Variants in LINGO2 observed in about 807,000 individuals in gnomAD.
LINGO2 encodes leucine-rich repeat and immunoglobulin-like domain-containing nogo receptor-interacting protein 2.
Under a neutral mutation model 30.6 loss-of-function variants are expected in LINGO2, and 14 were observed. The ratio of observed to expected loss-of-function variants is 0.46; its 90% CI spans 0.30 to 0.72. The LOEUF (loss-of-function observed/expected upper bound fraction) is 0.72, where lower values mean the gene tolerates loss of function less well. LINGO2 is among the 30% of genes least tolerant of loss of function. LINGO2 has a pLI of 0.07. For missense variants in LINGO2, 729 were observed against 751.7 expected, an observed-to-expected ratio of 0.97 and a Z score of 0.35; for synonymous variants, 317 against 288.5, an observed-to-expected ratio of 1.10 and a Z score of -1.00.
the LINGO2 span, among the ~76,000 whole-genome samples, chr9:28,999,684 T>C: frequency 6.6e-6 from 1 of 152,106 alleles, no homozygotes; most frequent in African/African-American, 2.4e-5. Context: ...ATACAATAAA[T>C]TAAAAGTAAA....
chr9:28,814,754 G>A, the LINGO2 span, among the ~76,000 whole-genome samples: 1 of 152,156 alleles, frequency 6.6e-6, no homozygotes, highest in South Asian at 2.1e-4. Context: ...CGGGCATGGT[G>A]GCAGGCACCT....
chr9:28,902,939 A>C, the LINGO2 span, among the ~76,000 whole-genome samples: 4 of 151,936 alleles, frequency 2.6e-5, no homozygotes, highest in Admixed American at 2.6e-4. Flanking sequence ...TATATCAAAT[A>C]AATAATTTAA....
At chr9:29,173,244 T>C in the LINGO2 span, among the ~76,000 whole-genome samples, 1 of 152,072 alleles carries the variant, frequency 6.6e-6, no homozygotes, top group Non-Finnish European at 1.5e-5. Flanking sequence ...AGTTGACATT[T>C]CTGGAAATAA....
the LINGO2 span, among the ~76,000 whole-genome samples, chr9:28,682,791 G>T: frequency 2.0e-5 from 3 of 151,926 alleles, no homozygotes; most frequent in Non-Finnish European, 1.5e-5. Context: ...TTTAATAAAA[G>T]GAATTTATGC....
chr9:29,018,091 T>TATA, the LINGO2 span, among the ~76,000 whole-genome samples: 706 of 23,214 alleles, frequency 0.03, 4 homozygotes, highest in African/African-American at 0.053. Flanking sequence ...AATATACATT[T>TATA]TATATATATA....
At chr9:28,986,660 A>G in the LINGO2 span, among the ~76,000 whole-genome samples, 1 of 152,132 alleles carries the variant, frequency 6.6e-6, no homozygotes, top group African/African-American at 2.4e-5. Context: ...CTATAAACCC[A>G]TTGTTAATTG....
At chr9:28,322,630 T>C (rs1043385499) in intron 3 of LINGO2, among the ~76,000 whole-genome samples, 5 of 152,150 alleles carry the variant, frequency 3.3e-5, no homozygotes, top group African/African-American at 1.2e-4. Context: ...TCTGTTTGGA[T>C]CCAAGGCCAG....
At chr9:28,754,334 G>A in the LINGO2 span, among the ~76,000 whole-genome samples, 5 of 151,990 alleles carry the variant, frequency 3.3e-5, no homozygotes, top group African/African-American at 4.8e-5. Context: ...AGATTGTAAC[G>A]CATATGTGTC....
At chr9:28,847,923 G>A in the LINGO2 span, among the ~76,000 whole-genome samples, 2 of 103,292 alleles carry the variant, frequency 1.9e-5, no homozygotes, top group African/African-American at 3.7e-5. Context: ...ACATATGTGT[G>A]TATATATACA....
chr9:28,084,463 G>A (rs1450199873), intron 4 of LINGO2, among the ~76,000 whole-genome samples: 2 of 151,960 alleles, frequency 1.3e-5, no homozygotes, highest in Non-Finnish European at 2.9e-5. Flanking sequence ...TAAAGTGAAG[G>A]AAGGAAATTA....
intron 4 of LINGO2, among the ~76,000 whole-genome samples, chr9:28,185,180 A>G (rs1254073271): frequency 2.6e-5 from 4 of 152,186 alleles, no homozygotes; most frequent in African/African-American, 9.6e-5. Flanking sequence ...AAAGGTAAAT[A>G]AACTTGGTAG....
chr9:28,055,186 T>A (rs1219249628), intron 4 of LINGO2, among the ~76,000 whole-genome samples: 4 of 152,154 alleles, frequency 2.6e-5, no homozygotes, highest in Non-Finnish European at 5.9e-5. Flanking sequence ...ATTGGCTTAA[T>A]TTTTTAAGTT....
At chr9:28,552,214 T>C in intron 1 of LINGO2, among the ~76,000 whole-genome samples, 1 of 152,158 alleles carries the variant, frequency 6.6e-6, no homozygotes, top group Middle Eastern at 3.4e-3. Context: ...CAGACCTGCC[T>C]ACAGCTGTCA....
chr9:29,083,632 T>C, the LINGO2 span, among the ~76,000 whole-genome samples: 6 of 147,024 alleles, frequency 4.1e-5, no homozygotes, highest in Admixed American at 1.4e-4. Context: ...GATAAATAAA[T>C]TCTACAGAAA....
chr9:28,812,032 C>T, the LINGO2 span, among the ~76,000 whole-genome samples: 252 of 151,860 alleles, frequency 1.7e-3, no homozygotes, highest in African/African-American at 5.8e-3. Flanking sequence ...TCTGAAGTCA[C>T]TGCAGCAGAG....
chr9:28,188,934 G>A (rs1398188113), intron 4 of LINGO2, among the ~76,000 whole-genome samples: 3 of 152,098 alleles, frequency 2.0e-5, no homozygotes, highest in African/African-American at 7.2e-5. Context: ...TAAGGGAAAA[G>A]CATCTCTTCA....
intron 3 of LINGO2, among the ~76,000 whole-genome samples, chr9:28,358,336 C>A (rs947201747): frequency 2.0e-5 from 3 of 152,074 alleles, no homozygotes; most frequent in Admixed American, 1.3e-4. Flanking sequence ...AGCCTGGCTC[C>A]AGGATTCACC....
chr9:28,201,993 A>G (rs1214416997), intron 4 of LINGO2, among the ~76,000 whole-genome samples: 1 of 151,946 alleles, frequency 6.6e-6, no homozygotes, highest in Non-Finnish European at 1.5e-5. Flanking sequence ...TCTGGGCCCT[A>G]TTCTATGCCT....
chr9:28,743,583 G>C, the LINGO2 span, among the ~76,000 whole-genome samples: 2 of 151,984 alleles, frequency 1.3e-5, no homozygotes, highest in Non-Finnish European at 2.9e-5. Flanking sequence ...ATTCTTGGTT[G>C]ACAGTTTTTT....
Sources: allele counts gnomAD v4.1 joint callset (sites outside exome capture counted in the v4.1 genomes callset), GRCh38; gene constraint gnomAD v4.1.1; transcripts MANE v1.5; gene names NCBI Gene and HGNC (gene_info 2026-07-23, HGNC 2026-07-21).